The following GCLM variants were observed in gnomAD, a reference collection of about 807,000 sequenced individuals.
GCLM encodes the protein glutamate-cysteine ligase modifier subunit.
Under a neutral mutation model 36.0 loss-of-function variants are expected in GCLM, and 15 were observed. The ratio of observed to expected loss-of-function variants is 0.42; its 90% CI spans 0.28 to 0.64. The LOEUF (loss-of-function observed/expected upper bound fraction) is 0.64, where lower values mean the gene tolerates loss of function less well. GCLM is among the 30% of genes least tolerant of loss of function. GCLM has a pLI of 0.25. For synonymous variants in GCLM, 129 were observed against 122.8 expected (o/e 1.05, Z -0.34); for missense variants, 242 against 325.5 (o/e 0.74, Z 1.97).
At chr1:93,890,106 C>T (rs2100904883) in intron 6 of GCLM, among the ~76,000 whole-genome samples, 1 of 151,974 alleles carries the variant, frequency 6.6e-6, no homozygotes, top group East Asian at 1.9e-4. Flanking sequence ...GATGGGGTTT[C>T]ACCATGTTGG....
rs188420677 is a variant in GCLM at position 93,890,485 on chromosome 1, A to G, written c.656-1326T>C. 9.2e-5 allele frequency among the ~76,000 whole-genome samples: 14 copies of G among 152,330 alleles called. No individual in the cohort carries two copies. In the East Asian group the frequency reaches 2.1e-3, roughly 23 times the overall value. ...TGACATTTTAAAAATGAAAACACCA[A>G]TGGCTCTGATGACACTTGGGGCATT... On this transcript the variant is annotated intron_variant, in intron 6 of 6. Transcript: ENST00000370238.
intron 6 of GCLM, 73 bp downstream of exon 6, chr1:93,894,541 T>G: frequency 6.2e-6 from 5 of 808,108 alleles, no homozygotes; most frequent in Non-Finnish European, 1.1e-5. Context: ...CATTTAAAAT[T>G]ATGTATCAAC....
At chr1:93,902,430 G>A (rs915553980) in intron 2 of GCLM, among the ~76,000 whole-genome samples, 3 of 147,720 alleles carry the variant, frequency 2.0e-5, no homozygotes, top group Non-Finnish European at 4.4e-5. Flanking sequence ...CGCCCACCTC[G>A]GCCTCCCAAA....
chr1:93,908,973 C>G, intron 1 of GCLM, 65 bp downstream of exon 1: 1 of 1,325,452 alleles, frequency 7.5e-7, no homozygotes, highest in Non-Finnish European at 9.7e-7. Flanking sequence ...TCTCCCTTGC[C>G]GGAACCGCCC....
At chr1:93,893,323 G>C (rs1277620336) in intron 6 of GCLM, among the ~76,000 whole-genome samples, 1 of 152,102 alleles carries the variant, frequency 6.6e-6, no homozygotes, top group African/African-American at 2.4e-5. Flanking sequence ...TGAGGCATTT[G>C]GCATGATGCT....
At chr1:93,904,620 T>A in intron 1 of GCLM, 32 bp from the exon 2 acceptor site, 1 of 1,350,796 alleles carries the variant, frequency 7.4e-7, no homozygotes, top group Non-Finnish European at 1.1e-6. Context: ...AAACTGTTAA[T>A]CAAAGTCTAT....
Position 93,897,827 on chromosome 1 carries a change from G to C in GCLM, c.337+12C>G, listed in dbSNP as rs780394779. 2.7e-6 allele frequency: 4 copies of C among 1,485,186 alleles called. No homozygotes were observed. The highest frequency in any genetic ancestry group is 2.7e-6 in the Non-Finnish European group (3 of 1,096,608). The allele number at this position is 1,485,186 out of a possible 1,614,324, so 92.0% of individuals were successfully genotyped here. A position where few individuals can be genotyped will look rare whatever the true frequency, so the allele number is the denominator to read the frequency against. On this transcript the variant is annotated intron_variant, in intron 4 of 6. Transcript: ENST00000370238. ...GTCCACTATTAAGATAAAAAATTCA[G>C]TTTTTGCTTACCCATGTCAACTGCA...
At chr1:93,891,869 T>C (rs528522421) in intron 6 of GCLM, among the ~76,000 whole-genome samples, 1 of 152,360 alleles carries the variant, frequency 6.6e-6, no homozygotes, top group East Asian at 1.9e-4. Flanking sequence ...CTGAGTACTT[T>C]ACATGTATTA....
chr1:93,903,042 C>T (rs1022881638), intron 2 of GCLM, among the ~76,000 whole-genome samples: 1 of 152,028 alleles, frequency 6.6e-6, no homozygotes, highest in Non-Finnish European at 1.5e-5. Flanking sequence ...CTTTTAAGCA[C>T]TGAATAATAT....
chr1:93,894,513 T>C (rs1465017529), intron 6 of GCLM, 101 bp downstream of exon 6: 4 of 678,680 alleles, frequency 5.9e-6, no homozygotes, highest in Non-Finnish European at 1.1e-5. Flanking sequence ...GATAACACTG[T>C]ATTTTTATCA....
intron 1 of GCLM, among the ~76,000 whole-genome samples, chr1:93,906,504 G>C (rs936408454): frequency 2.0e-5 from 3 of 152,138 alleles, no homozygotes; most frequent in African/African-American, 7.2e-5. Context: ...AGGAAGGTAA[G>C]TCTATTTTTA....
intron 2 of GCLM, chr1:93,904,178 C>G (rs1657062255): frequency 4.0e-6 from 1 of 250,988 alleles, no homozygotes; most frequent in Non-Finnish European, 7.8e-6. Flanking sequence ...AAAATTACTT[C>G]TAGTGATGTT....
At chr1:93,904,062 C>T (rs760826201) in intron 2 of GCLM, among the ~76,000 whole-genome samples, 22 of 152,162 alleles carry the variant, frequency 1.4e-4, no homozygotes, top group Non-Finnish European at 2.8e-4. Context: ...AGTTGGATTT[C>T]AAAATGTGTT....
At chr1:93,890,504 G>A (rs1246079686) in intron 6 of GCLM, among the ~76,000 whole-genome samples, 2 of 152,018 alleles carry the variant, frequency 1.3e-5, no homozygotes, top group African/African-American at 4.8e-5. Context: ...ATGACACTTG[G>A]GGCATTGATC....
chr1:93,903,994 CAT>C (rs1657056577), intron 2 of GCLM, among the ~76,000 whole-genome samples: 1 of 152,182 alleles, frequency 6.6e-6, no homozygotes, highest in African/African-American at 2.4e-5. Context: ...ATTTCCAGCA[CAT>C]GTCCTTTTCC....
intron 2 of GCLM, chr1:93,904,142 T>C (rs1215768465): frequency 2.4e-5 from 6 of 247,510 alleles, no homozygotes; most frequent in South Asian, 1.8e-4. Flanking sequence ...CAGTTCCTTA[T>C]TGTTTCATCA....
At chr1:93,893,035 G>A (rs1193718665) in intron 6 of GCLM, among the ~76,000 whole-genome samples, 2 of 152,186 alleles carry the variant, frequency 1.3e-5, no homozygotes, top group Non-Finnish European at 2.9e-5. Context: ...GATTGTGAAA[G>A]CTCTACTGGG....
intron 6 of GCLM, among the ~76,000 whole-genome samples, chr1:93,891,572 T>A (rs1656535086): frequency 6.6e-6 from 1 of 152,212 alleles, no homozygotes; most frequent in Non-Finnish European, 1.5e-5. Flanking sequence ...CCCATTAGAA[T>A]ATAAATTCCA....
intron 6 of GCLM, among the ~76,000 whole-genome samples, chr1:93,891,138 T>C (rs1223874436): frequency 6.6e-6 from 1 of 152,120 alleles, no homozygotes; most frequent in Non-Finnish European, 1.5e-5. Context: ...TCCCCTGCCT[T>C]GGCCTCCCAA....
Sources: allele counts gnomAD v4.1 joint callset (sites outside exome capture counted in the v4.1 genomes callset), GRCh38; gene constraint gnomAD v4.1.1; transcripts MANE v1.5; gene names NCBI Gene and HGNC (gene_info 2026-07-23, HGNC 2026-07-21).